The following COL23A1 variants were observed in gnomAD, a reference collection of about 807,000 sequenced individuals.
COL23A1 encodes the protein collagen alpha-1(XXIII) chain.
Under a neutral mutation model 99.3 loss-of-function variants are expected in COL23A1, and 97 were observed. The observed-to-expected ratio is 0.98, with a 90% CI of 0.83 to 1.16. The LOEUF (loss-of-function observed/expected upper bound fraction) is 1.16, where lower values mean the gene tolerates loss of function less well. Among genes scored for constraint, COL23A1 ranks in the 50% most tolerant of loss-of-function variants. The pLI is 0.00. For missense variants in COL23A1, 762 were observed against 757.4 expected (o/e 1.01, Z -0.07); for synonymous variants, 320 against 308.2 (o/e 1.04, Z -0.40).
chr5:178,560,714 C>A lies in COL23A1; in HGVS notation c.329G>T (p.Arg110Leu). The change falls in exon 2 of 29, where the codon CGG (arginine) becomes CTG (leucine). Residue 110 changes from arginine (R) to leucine (L), a missense_variant. Transcript: ENST00000390654. ...LDGLAKIRTAREAPSECVCPP... is the reference protein window; with the variant it reads ...LDGLAKIRTALEAPSECVCPP... ...GCAGACACATTCGGATGGAGCTTCC[C>A]GAGCAGTCCGGATCTTCGCTAGTCC... is the stretch of plus-strand genomic sequence containing the variant. 2 of 1,612,546 alleles carry A rather than the reference C, an allele frequency of 1.2e-6. No homozygotes were observed. Among genetic ancestry groups the A allele is most frequent in the Non-Finnish European group, 1.7e-6 (2 of 1,179,672 alleles).
At chr5:178,549,449 A>G (rs1047187608) in intron 2 of COL23A1, among the ~76,000 whole-genome samples, 6 of 152,198 alleles carry the variant, frequency 3.9e-5, no homozygotes, top group African/African-American at 1.4e-4. Context: ...ATAGCTACCA[A>G]CTCAAGACAT....
chr5:178,406,483 G>T (rs188929236), intron 2 of COL23A1, among the ~76,000 whole-genome samples: 2 of 148,988 alleles, frequency 1.3e-5, no homozygotes, highest in African/African-American at 4.9e-5. Flanking sequence ...AGGCTGGAGT[G>T]AAATGGCGAC....
intron 1 of COL23A1, among the ~76,000 whole-genome samples, chr5:178,572,600 G>A (rs1056341663): frequency 1.3e-5 from 2 of 152,194 alleles, no homozygotes; most frequent in Non-Finnish European, 1.5e-5. Context: ...GAAATGATGC[G>A]ATGGCCTTCA....
intron 2 of COL23A1, among the ~76,000 whole-genome samples, chr5:178,527,136 A>G (rs1263834099): frequency 1.3e-5 from 2 of 152,048 alleles, no homozygotes; most frequent in African/African-American, 4.8e-5. Context: ...TGGAGCCCAG[A>G]TGGGTGTGGA....
intron 2 of COL23A1, among the ~76,000 whole-genome samples, chr5:178,318,758 C>T (rs930499030): frequency 8.5e-5 from 13 of 152,068 alleles, no homozygotes; most frequent in Non-Finnish European, 1.5e-4. Flanking sequence ...AAAAATTAGC[C>T]GGGTGTGGTG....
chr5:178,350,204 C>G (rs1486767534), intron 2 of COL23A1, among the ~76,000 whole-genome samples: 1 of 152,224 alleles, frequency 6.6e-6, no homozygotes, highest in African/African-American at 2.4e-5. Flanking sequence ...TCCTCCAGGA[C>G]GCCCACCTGG....
At chr5:178,491,997 A>G (rs1581495546) in intron 2 of COL23A1, among the ~76,000 whole-genome samples, 1 of 152,294 alleles carries the variant, frequency 6.6e-6, no homozygotes. Context: ...GGCCCCCCAA[A>G]GTACTGGGAT....
intron 17 of COL23A1, among the ~76,000 whole-genome samples, chr5:178,251,525 A>C (rs6422346): frequency 9.2e-5 from 14 of 152,014 alleles, no homozygotes; most frequent in African/African-American, 3.4e-4. Context: ...AATTCAACTT[A>C]TCAAGGTTTG....
At chr5:178,328,580 G>A (rs1291313318) in intron 2 of COL23A1, among the ~76,000 whole-genome samples, 1 of 152,208 alleles carries the variant, frequency 6.6e-6, no homozygotes, top group East Asian at 1.9e-4. Context: ...TTAGCATTAT[G>A]GCTGAGTATA....
intron 2 of COL23A1, among the ~76,000 whole-genome samples, chr5:178,398,320 C>T (rs1463496487): frequency 6.6e-6 from 1 of 152,016 alleles, no homozygotes; most frequent in Non-Finnish European, 1.5e-5. Context: ...AAAAATTATT[C>T]TTTTTTTTAT....
At position 178,589,903 on chromosome 5, in the gene COL23A1, C is replaced by T; in HGVS notation, c.294+1G>A. The T allele has an allele frequency of 7.6e-7, 1 of 1,314,344 alleles. No individual in the cohort carries two copies. Among genetic ancestry groups the T allele is most frequent in the Non-Finnish European group, 9.6e-7 (1 of 1,037,770 alleles). 81.4% of individuals were successfully genotyped at this position (1,314,344 alleles called of 1,614,324 possible). A position where few individuals can be genotyped will look rare whatever the true frequency, so the allele number is the denominator to read the frequency against. ...CCCCAGCCACGCGCCAAGACGCTCA[C>T]CTCCCGCAGCAGGCGCTCCAGGTGC... On this transcript the variant is annotated splice_donor_variant, in intron 1 of 28. Coordinates refer to ENST00000390654, the MANE Select transcript of COL23A1 (RefSeq NM_173465.4). LOFTEE classifies it high-confidence loss of function. The surrounding 1 kb of genome is among the most constrained non-coding windows in gnomAD (Gnocchi z 5.4).
At chr5:178,566,854 GAAGAC>G (rs1253598027) in intron 1 of COL23A1, among the ~76,000 whole-genome samples, 1 of 152,006 alleles carries the variant, frequency 6.6e-6, no homozygotes, top group Non-Finnish European at 1.5e-5. Context: ...CTCTAAGGCT[GAAGAC>G]AAAAGGAATC....
chr5:178,416,770 G>A (rs1318619245), intron 2 of COL23A1, among the ~76,000 whole-genome samples: 3 of 152,130 alleles, frequency 2.0e-5, no homozygotes, highest in Non-Finnish European at 4.4e-5. Context: ...AGTGGGAGTT[G>A]CTAAGGATGA....
chr5:178,465,936 A>T (rs554266781), intron 2 of COL23A1, among the ~76,000 whole-genome samples: 1 of 152,252 alleles, frequency 6.6e-6, no homozygotes, highest in East Asian at 1.9e-4. Context: ...CTCAGCGCAC[A>T]CTTCAGGACA....
At chr5:178,456,934 C>T (rs1581424900) in intron 2 of COL23A1, among the ~76,000 whole-genome samples, 1 of 152,190 alleles carries the variant, frequency 6.6e-6, no homozygotes, top group East Asian at 1.9e-4. Flanking sequence ...AAGCCTATGG[C>T]TGATAATGTA....
chr5:178,365,907 AGCAG>A lies in COL23A1; in HGVS notation c.362-58992_362-58989del, dbSNP rs1472033403. On this transcript the variant is annotated intron_variant, in intron 2 of 28. Transcript: ENST00000390654. The surrounding 1 kb of genome is among the most constrained non-coding windows in gnomAD (Gnocchi z 5.2). ...GGGAACATCTGGAGTCAGTGAACAC[AGCAG>A]GAAGGGGGGATGGTCAAGCGCACCA... Among the ~76,000 whole-genome samples, 1 of 152,090 alleles carries A rather than the reference AGCAG, an allele frequency of 6.6e-6. No individual in the cohort carries two copies. Among genetic ancestry groups the A allele is most frequent in the Admixed American group, 6.5e-5 (1 of 15,280 alleles).
intron 2 of COL23A1, among the ~76,000 whole-genome samples, chr5:178,443,979 A>C (rs958922962): frequency 6.6e-6 from 1 of 152,072 alleles, no homozygotes; most frequent in Non-Finnish European, 1.5e-5. Flanking sequence ...AGGCAGGTGG[A>C]TCGCTTGAGC....
intron 2 of COL23A1, among the ~76,000 whole-genome samples, chr5:178,495,250 C>T (rs1011307925): frequency 2.0e-5 from 3 of 152,216 alleles, no homozygotes; most frequent in Non-Finnish European, 2.9e-5. Context: ...GCACCCTCTG[C>T]ACAGCCTGAG....
chr5:178,579,652 C>T (rs188552412), intron 1 of COL23A1, among the ~76,000 whole-genome samples: 1 of 152,214 alleles, frequency 6.6e-6, no homozygotes, highest in East Asian at 1.9e-4. Flanking sequence ...CGGGGTTTCA[C>T]CATGTTTGCC....
Sources: allele counts gnomAD v4.1 joint callset (sites outside exome capture counted in the v4.1 genomes callset), GRCh38; gene constraint gnomAD v4.1.1; non-coding constraint Gnocchi (gnomAD v3.1); transcripts MANE v1.5; gene names NCBI Gene and HGNC (gene_info 2026-07-23, HGNC 2026-07-21).